Variants in LYPLAL1 observed in about 807,000 individuals in gnomAD.
The protein encoded by LYPLAL1 is lysophospholipase-like protein 1.
Under a neutral mutation model 19.7 loss-of-function variants are expected in LYPLAL1, and 23 were observed. The observed-to-expected ratio is 1.17, with a 90% confidence interval of 0.84 to 1.65. The LOEUF is 1.65. Among genes scored for constraint, LYPLAL1 ranks in the 40% most tolerant of loss-of-function variants. The pLI is 0.00. For missense variants in LYPLAL1, 355 were observed against 279.4 expected (o/e 1.27, Z -1.93); for synonymous variants, 119 against 96.3 (o/e 1.24, Z -1.38).
chr1:219,254,981 A>G, the LYPLAL1 span, among the ~76,000 whole-genome samples: 1 of 151,612 alleles, frequency 6.6e-6, no homozygotes, highest in Middle Eastern at 3.4e-3. Flanking sequence ...TTTTTTATTT[A>G]TTTTTGTCTG....
At chr1:219,401,026 A>T in the LYPLAL1 span, among the ~76,000 whole-genome samples, 9 of 152,176 alleles carry the variant, frequency 5.9e-5, no homozygotes, top group Non-Finnish European at 1.2e-4. Flanking sequence ...TTAAGAAGAG[A>T]TTAGAAGTTT....
chr1:219,411,913 G>T, the LYPLAL1 span: 1 of 163,304 alleles, frequency 6.1e-6, no homozygotes, highest in Non-Finnish European at 1.3e-5. Context: ...TCCGGACACA[G>T]TTTGATTTTG....
At chr1:219,401,313 C>T in the LYPLAL1 span, among the ~76,000 whole-genome samples, 1 of 151,304 alleles carries the variant, frequency 6.6e-6, no homozygotes, top group African/African-American at 2.4e-5. Context: ...GTTTATAAGC[C>T]CCATGCTAGG....
At chr1:219,350,997 A>G in the LYPLAL1 span, among the ~76,000 whole-genome samples, 1 of 152,100 alleles carries the variant, frequency 6.6e-6, no homozygotes, top group Non-Finnish European at 1.5e-5. Context: ...GCTCTGAAAT[A>G]TTACAACAAA....
chr1:219,390,970 G>C, the LYPLAL1 span, among the ~76,000 whole-genome samples: 1 of 152,110 alleles, frequency 6.6e-6, no homozygotes. Flanking sequence ...ACAAGAATGG[G>C]ATGACTGAAA....
At chr1:219,410,497 T>G in the LYPLAL1 span, among the ~76,000 whole-genome samples, 1 of 152,252 alleles carries the variant, frequency 6.6e-6, no homozygotes, top group African/African-American at 2.4e-5. Context: ...CTGGCAGTCC[T>G]CAGAGCCCTC....
At chr1:219,404,681 G>A in the LYPLAL1 span, among the ~76,000 whole-genome samples, 1 of 152,256 alleles carries the variant, frequency 6.6e-6, no homozygotes, top group East Asian at 1.9e-4. Context: ...TTAGATAGAA[G>A]GAATAAGTAA....
the LYPLAL1 span, among the ~76,000 whole-genome samples, chr1:219,260,100 T>A: frequency 5.9e-5 from 9 of 151,960 alleles, no homozygotes; most frequent in Non-Finnish European, 1.2e-4. Context: ...GCAGAATTTT[T>A]AAAAGAAGAA....
chr1:219,302,697 T>G, the LYPLAL1 span, among the ~76,000 whole-genome samples: 1 of 152,230 alleles, frequency 6.6e-6, no homozygotes. Context: ...AGGTTCTCAT[T>G]AAGAGTTAGT....
At chr1:219,239,125 GA>G in the LYPLAL1 span, among the ~76,000 whole-genome samples, 1 of 152,156 alleles carries the variant, frequency 6.6e-6, no homozygotes, top group East Asian at 1.9e-4. Flanking sequence ...GAGACTATCA[GA>G]TGATAATAGC....
the LYPLAL1 span, among the ~76,000 whole-genome samples, chr1:219,315,541 A>T: frequency 3.3e-5 from 5 of 152,310 alleles, no homozygotes; most frequent in East Asian, 7.7e-4. Flanking sequence ...CCCTTAAAAT[A>T]GACATCATTT....
chr1:219,305,318 G>A, the LYPLAL1 span, among the ~76,000 whole-genome samples: 1 of 151,938 alleles, frequency 6.6e-6, no homozygotes, highest in African/African-American at 2.4e-5. Context: ...TTTCTTTCAG[G>A]GTGTAGAGTA....
chr1:219,396,554 G>A, the LYPLAL1 span, among the ~76,000 whole-genome samples: 2 of 152,130 alleles, frequency 1.3e-5, no homozygotes, highest in African/African-American at 2.4e-5. Context: ...TGTGGTCATA[G>A]AATATTTTTC....
At chr1:219,273,963 C>T in the LYPLAL1 span, among the ~76,000 whole-genome samples, 4 of 152,208 alleles carry the variant, frequency 2.6e-5, no homozygotes, top group Middle Eastern at 3.4e-3. Flanking sequence ...GATTTCACCA[C>T]ATTGGCCAGG....
At chr1:219,255,798 T>C in the LYPLAL1 span, among the ~76,000 whole-genome samples, 1 of 151,962 alleles carries the variant, frequency 6.6e-6, no homozygotes, top group Admixed American at 6.6e-5. Flanking sequence ...TTATCATGAA[T>C]AAATGTTAAA....
the LYPLAL1 span, among the ~76,000 whole-genome samples, chr1:219,358,669 G>A: frequency 6.6e-6 from 1 of 152,088 alleles, no homozygotes; most frequent in Non-Finnish European, 1.5e-5. Flanking sequence ...TCACTATCAG[G>A]AGAACAGCAT....
chr1:219,390,080 G>T, the LYPLAL1 span, among the ~76,000 whole-genome samples: 1 of 151,516 alleles, frequency 6.6e-6, no homozygotes, highest in African/African-American at 2.4e-5. Flanking sequence ...GTCACAAAAT[G>T]CTTTGTAGTC....
the LYPLAL1 span, among the ~76,000 whole-genome samples, chr1:219,337,417 A>C: frequency 6.6e-6 from 1 of 152,038 alleles, no homozygotes; most frequent in Admixed American, 6.6e-5. Flanking sequence ...TGTAGAACAT[A>C]AAACACATAG....
the LYPLAL1 span, among the ~76,000 whole-genome samples, chr1:219,306,262 A>G: frequency 6.6e-6 from 1 of 152,164 alleles, no homozygotes; most frequent in African/African-American, 2.4e-5. Flanking sequence ...CTTGTAAACA[A>G]TAAATTTTAT....
Sources: allele counts gnomAD v4.1 joint callset (sites outside exome capture counted in the v4.1 genomes callset), GRCh38; gene constraint gnomAD v4.1.1; transcripts MANE v1.5; gene names NCBI Gene and HGNC (gene_info 2026-07-23, HGNC 2026-07-21).